The following ZNF467 variants were observed in gnomAD, a reference collection of about 807,000 sequenced individuals.
ZNF467 encodes the protein zinc finger protein EZI.
In ZNF467, 51 loss-of-function variants were observed where a neutral mutation model predicts 47.8. That is an observed-to-expected ratio of 1.07 (90% confidence interval 0.85 to 1.35). The LOEUF (loss-of-function observed/expected upper bound fraction) is 1.35, where lower values mean the gene tolerates loss of function less well. ZNF467 is among the 40% of genes most tolerant of loss of function. The probability of loss-of-function intolerance (pLI) is 0.00; values close to 1 mark genes in which losing one functional copy is unlikely to be tolerated. For missense variants in ZNF467, 992 were observed against 858.1 expected, an observed-to-expected ratio of 1.16 and a Z score of -1.95; for synonymous variants, 416 against 372.9, an observed-to-expected ratio of 1.12 and a Z score of -1.33.
chr7:149,764,193 AT>A lies in ZNF467; in HGVS notation c.*520del. The stretch of plus-strand genomic sequence containing the variant: ...GCCAGGATGGTGGCTTAGTGAATAA[AT>A]ATATTACATTTTTATTTGGGAGAAC... On this transcript the variant is annotated 3_prime_UTR_variant, in exon 5 of 5. Transcript: ENST00000302017. The A allele has an allele frequency of 1.1e-5, 3 of 275,942 alleles. No individual in the cohort carries two copies. The highest frequency in any genetic ancestry group is 2.0e-5 in the Non-Finnish European group (3 of 148,870). The allele number at this position is 275,942 out of a possible 1,614,324, so 17.1% of individuals were successfully genotyped here.
chr7:149,775,009 G>A (rs370606690), upstream of ZNF467, among the ~76,000 whole-genome samples: 1 of 152,190 alleles, frequency 6.6e-6, no homozygotes, highest in South Asian at 2.1e-4. Flanking sequence ...GGGTGTCCGG[G>A]TGTGCTCAGA....
chr7:149,773,939 C>G (rs1037673263), upstream of ZNF467, among the ~76,000 whole-genome samples: 1 of 152,162 alleles, frequency 6.6e-6, no homozygotes, highest in Admixed American at 6.5e-5. Context: ...GGGCTGGGCC[C>G]CTGTGCTTGC....
chr7:149,772,676 CG>C (rs1799461932), intron 1 of ZNF467, among the ~76,000 whole-genome samples: 1 of 150,374 alleles, frequency 6.7e-6, no homozygotes, highest in Admixed American at 6.6e-5. Context: ...TTCCAGGTCC[CG>C]GCCCCCTCCC....
In ZNF467 at chr7:149,764,623, G is replaced by C. The variant is rs1481910039; in HGVS notation, c.*91C>G. 4 of 1,549,536 alleles carry C rather than the reference G, an allele frequency of 2.6e-6. No individual in the cohort carries two copies. On this transcript the variant is annotated 3_prime_UTR_variant, in exon 5 of 5. Coordinates refer to ENST00000302017, the MANE Select transcript of ZNF467 (RefSeq NM_207336.3). ...CCCGCGGCGGCCAAACCTTCGGGCAGCAGCCCAGGTCGCCTTGCTCACCCC... is the reference window on the plus strand; with the variant it reads ...CCCGCGGCGGCCAAACCTTCGGGCACCAGCCCAGGTCGCCTTGCTCACCCC...
At chr7:149,771,886 C>A (rs921356626) in intron 1 of ZNF467, among the ~76,000 whole-genome samples, 2 of 150,774 alleles carry the variant, frequency 1.3e-5, no homozygotes, top group African/African-American at 4.9e-5. Context: ...GGGCCAACCC[C>A]TCGAGGCCCC....
In ZNF467 at chr7:149,765,019, G is replaced by A. The variant is rs531655264; in HGVS notation, c.1483C>T (p.Arg495Cys). Residue 495 changes from arginine to cysteine, a missense_variant, in exon 5 of 5, where the codon CGC (arginine) becomes TGC (cysteine). Coordinates refer to ENST00000302017, the MANE Select transcript of ZNF467 (RefSeq NM_207336.3). Reference protein sequence around the residue: ...RPFACAQCGRRFSRKSHLGRH... With the variant: ...RPFACAQCGRCFSRKSHLGRH... ...CCCAGGTGCGACTTGCGGCTGAAGCGGCGGCCGCACTGAGCGCAGGCGAAA... is the reference window on the plus strand; with the variant it reads ...CCCAGGTGCGACTTGCGGCTGAAGCAGCGGCCGCACTGAGCGCAGGCGAAA... The A allele has an allele frequency of 3.2e-6, 5 of 1,574,694 alleles. No homozygotes were observed. The highest frequency in any genetic ancestry group is 2.3e-5 in the East Asian group (1 of 43,666).
chr7:149,766,204 C>T lies in ZNF467; in HGVS notation c.298G>A (p.Asp100Asn), dbSNP rs540227378. The change falls in exon 5 of 5, where the codon GAC (aspartate) becomes AAC (asparagine). Residue 100 changes from aspartate (D) to asparagine (N), a missense_variant. Physicochemically the swap from Asp to Asn is conservative, Grantham distance 23. Coordinates refer to ENST00000302017, the MANE Select transcript of ZNF467 (RefSeq NM_207336.3). ...TCCTCTTCTGCCTCCTGATCTTCGT[C>T]CTCCACCTTCACCTTCCGAATCATC... ...EWMIRKVKVE[D>N]EDQEAEEEVE... 28 of 1,534,948 alleles carry T rather than the reference C, an allele frequency of 1.8e-5. No individual in the cohort carries two copies. The East Asian group carries it at 5.7e-4, about 31-fold the overall frequency.
rs762205958 is a variant in ZNF467 at position 149,765,047 on chromosome 7, C to G, written c.1455G>C (p.Arg485Ser). 757 of 1,514,204 alleles carry G rather than the reference C, an allele frequency of 5.0e-4. No individual in the cohort carries two copies. The highest frequency in any genetic ancestry group is 6.1e-4 in the Non-Finnish European group (695 of 1,137,238). The allele number at this position is 1,514,204 out of a possible 1,614,324, so 93.8% of individuals were successfully genotyped here. Residue 485 changes from arginine (R) to serine (S), a missense_variant, in exon 5 of 5, where the codon AGG becomes AGC. Coordinates refer to ENST00000302017, the MANE Select transcript of ZNF467 (RefSeq NM_207336.3). ...VAHSRAHSGARPFACAQCGRR... is the reference protein window; with the variant it reads ...VAHSRAHSGASPFACAQCGRR... ...GGCCGCACTGAGCGCAGGCGAAAGG[C>G]CTGGCGCCGCTGTGGGCCCTGGAGT...
At chr7:149,771,345 G>A (rs954874416) in intron 1 of ZNF467, among the ~76,000 whole-genome samples, 8 of 152,066 alleles carry the variant, frequency 5.3e-5, no homozygotes, top group South Asian at 4.1e-4. Flanking sequence ...CGCCAACCCC[G>A]GCCCATCAGC....
chr7:149,765,071 G>T lies in ZNF467; in HGVS notation c.1431C>A (p.His477Gln), dbSNP rs1454186010. The change falls in exon 5 of 5, where the codon CAC (histidine) becomes CAA (glutamine). Residue 477 changes from histidine (H) to glutamine (Q), a missense_variant. By Grantham distance (24) the His-to-Gln change is conservative. Coordinates refer to ENST00000302017, the MANE Select transcript of ZNF467 (RefSeq NM_207336.3). The part of the protein sequence containing the change: ...RFGSRPNLVA[H>Q]SRAHSGARPF... The stretch of plus-strand genomic sequence containing the variant: ...GCCTGGCGCCGCTGTGGGCCCTGGA[G>T]TGGGCGACCAGATTAGGCCGCGAGC... 19 of 1,484,304 alleles carry T rather than the reference G, an allele frequency of 1.3e-5. No individual in the cohort carries two copies. Among genetic ancestry groups the T allele is most frequent in the Admixed American group, 4.8e-5 (2 of 41,498 alleles). 91.9% of individuals were successfully genotyped at this position (1,484,304 alleles called of 1,614,324 possible). A position where few individuals can be genotyped will look rare whatever the true frequency, so the allele number is the denominator to read the frequency against.
At chr7:149,776,011 T>A, upstream of ZNF467, 1 of 1,360,514 alleles carries the variant, frequency 7.4e-7, no homozygotes, top group South Asian at 1.1e-5. Context: ...AGCCTCACGT[T>A]CCCCAAAGGT....
At chr7:149,775,920 G>C (rs1348437770), upstream of ZNF467, 4 of 716,052 alleles carry the variant, frequency 5.6e-6, no homozygotes, top group African/African-American at 1.8e-5. Flanking sequence ...TGGCCACTGG[G>C]CTGCGGGGAG....
In ZNF467 at chr7:149,765,662, G is replaced by A. The variant is rs765401323; in HGVS notation, c.840C>T (p.Arg280=). ...GAATCAAGTGCGTCTTCTTGCGAAA[G>A]CGCTTCTCGCATTCCGTGCAGGGGA... ...RPFPCTECEK[R]FRKKTHLIRH... The change falls in exon 5 of 5, where the codon CGC becomes CGT. Residue 280 remains arginine (R), a synonymous_variant. Coordinates refer to ENST00000302017, the MANE Select transcript of ZNF467 (RefSeq NM_207336.3). 1.9e-6 allele frequency: 3 copies of A among 1,612,378 alleles called. No homozygotes were observed. Among genetic ancestry groups the A allele is most frequent in the Non-Finnish European group, 2.5e-6 (3 of 1,179,444 alleles).
Position 149,764,478 on chromosome 7 carries a change from G to A in ZNF467, c.*236C>T. 1.3e-6 allele frequency: 1 copy of A among 769,532 alleles called. No individual in the cohort carries two copies. Among genetic ancestry groups the A allele is most frequent in the Non-Finnish European group, 2.2e-6 (1 of 455,552 alleles). 47.7% of individuals were successfully genotyped at this position (769,532 alleles called of 1,614,324 possible). On this transcript the variant is annotated 3_prime_UTR_variant, in exon 5 of 5. Coordinates refer to ENST00000302017, the MANE Select transcript of ZNF467 (RefSeq NM_207336.3). ...TGCTTTCCAACGGGGCACCTGGGTGGGAGCCTTCCAAGAACTTCAGCTCAG... is the reference window on the plus strand; with the variant it reads ...TGCTTTCCAACGGGGCACCTGGGTGAGAGCCTTCCAAGAACTTCAGCTCAG...
At position 149,765,582 on chromosome 7, in the gene ZNF467, C is replaced by A; in HGVS notation, c.920G>T (p.Arg307Leu). ...CAAGTGCTGCTTGTGCGTGAAGCTG[C>A]GTGCGCACTGTGCGCACTGGTAGGG... The part of the protein sequence containing the change: ...ERPYQCAQCA[R>L]SFTHKQHLVR... The change falls in exon 5 of 5, where the codon CGC becomes CTC. Residue 307 changes from arginine (R) to leucine (L), a missense_variant. Coordinates refer to ENST00000302017, the MANE Select transcript of ZNF467 (RefSeq NM_207336.3). 1 of 1,595,592 alleles carries A rather than the reference C, an allele frequency of 6.3e-7. No individual in the cohort carries two copies. The highest frequency in any genetic ancestry group is 1.1e-5 in the South Asian group (1 of 88,790).
Position 149,765,129 on chromosome 7 carries a change from G to A in ZNF467, c.1373C>T (p.Pro458Leu), listed in dbSNP as rs773158806. ...GCGGTCACACTGCGTGCAGGCGAAG[G>A]GCCGTTCGCCCGTGTGCACGCGCGG... is the stretch of plus-strand genomic sequence containing the variant. ...RHPRVHTGER[P>L]FACTQCDRRF... is the part of the protein sequence containing the mutation. Residue 458 changes from proline (P) to leucine (L), a missense_variant, in exon 5 of 5, where the codon CCC becomes CTC. Physicochemically the swap from Pro to Leu is moderately conservative, Grantham distance 98. Transcript: ENST00000302017. 4.1e-6 allele frequency: 6 copies of A among 1,480,646 alleles called. No homozygotes were observed. In the South Asian group the frequency reaches 6.3e-5, roughly 16 times the overall value. The allele number at this position is 1,480,646 out of a possible 1,614,324, so 91.7% of individuals were successfully genotyped here.
chr7:149,775,467 C>T (rs1055334106), upstream of ZNF467, among the ~76,000 whole-genome samples: 3 of 152,156 alleles, frequency 2.0e-5, no homozygotes, highest in Non-Finnish European at 4.4e-5. Context: ...GTCGTTTAGC[C>T]CAGGAGCTCT....
At chr7:149,773,745 G>A (rs1045975291), upstream of ZNF467, among the ~76,000 whole-genome samples, 13 of 151,678 alleles carry the variant, frequency 8.6e-5, no homozygotes, top group African/African-American at 2.9e-4. Flanking sequence ...GGTGCCAGCC[G>A]GGTGTGCAGC....
At chr7:149,768,138 C>G (rs1799277912) in intron 4 of ZNF467, among the ~76,000 whole-genome samples, 1 of 152,240 alleles carries the variant, frequency 6.6e-6, no homozygotes, top group Non-Finnish European at 1.5e-5. Context: ...ATAGCACTTA[C>G]TGTTAACACT....
Sources: gnomAD v4.1 joint callset for allele counts (sites outside exome capture counted in the v4.1 genomes callset) on GRCh38, gnomAD v4.1.1 for gene constraint, MANE v1.5 for transcripts, NCBI Gene and HGNC (gene_info 2026-07-23, HGNC 2026-07-21) for gene names.